ARAP1: variants seen among roughly 807,000 people sequenced by gnomAD.
ARAP1 encodes arf-GAP with Rho-GAP domain, ANK repeat and PH domain-containing protein 1.
In ARAP1, 76 loss-of-function variants were observed where a neutral mutation model predicts 172.2. The observed-to-expected ratio is 0.44, with a 90% CI of 0.37 to 0.53. The LOEUF (loss-of-function observed/expected upper bound fraction) is 0.53. Ranked by LOEUF, ARAP1 falls within the 20% of genes least tolerant of loss-of-function variation. The pLI, the probability that ARAP1 is intolerant of heterozygous loss-of-function variation, is 0.00. For missense variants in ARAP1, 1,686 were observed against 1,977.5 expected, an observed-to-expected ratio of 0.85 and a Z score of 2.80; for synonymous variants, 804 against 803.3, an observed-to-expected ratio of 1.00 and a Z score of -0.01.
chr11:72,726,704 G>A lies in ARAP1; in HGVS notation c.425C>T (p.Pro142Leu), dbSNP rs1453009224. The part of the protein sequence containing the change: ...PSTAAPDPVL[P>L]PLPAKRHLAE... ...CAAATGCCGCTTAGCAGGCAGCGGG[G>A]GCAGCACAGGGTCTGGGGCAGCTGT... Residue 142 changes from proline to leucine, a missense_variant, in exon 3 of 35, where the codon CCC (proline) becomes CTC (leucine). Physicochemically the swap from Pro to Leu is moderately conservative, Grantham distance 98. Coordinates refer to ENST00000393609, the MANE Select transcript of ARAP1 (RefSeq NM_001040118.3). This position sits in a 1 kb window ranked among gnomAD's most constrained non-coding sequence, Gnocchi z 6.5. 1.9e-6 allele frequency: 3 copies of A among 1,548,118 alleles called. No individual in the cohort carries two copies. The highest frequency in any genetic ancestry group is 2.0e-5 in the Admixed American group (1 of 51,120).
At chr11:72,694,810 C>T (rs1331215160) in intron 27 of ARAP1, among the ~76,000 whole-genome samples, 170 bp downstream of exon 27, 1 of 152,182 alleles carries the variant, frequency 6.6e-6, no homozygotes, top group Non-Finnish European at 1.5e-5. Flanking sequence ...TAACCTCAAT[C>T]CCTGCCAGCA....
intron 2 of ARAP1, among the ~76,000 whole-genome samples, chr11:72,730,368 G>T (rs925154326): frequency 1.3e-5 from 2 of 152,220 alleles, no homozygotes; most frequent in Non-Finnish European, 2.9e-5. Flanking sequence ...AGGCATTGGT[G>T]ATGTGGTAGG....
chr11:72,718,357 G>A (rs1327854236), intron 3 of ARAP1, among the ~76,000 whole-genome samples: 3 of 151,766 alleles, frequency 2.0e-5, no homozygotes, highest in Non-Finnish European at 4.4e-5. Flanking sequence ...AGTAGGCCCC[G>A]CTCCAATCCC....
rs372786284 is a variant in ARAP1, at chr11:72,703,619, G to T, written c.1992+533C>A. Among the ~76,000 whole-genome samples the T allele has an allele frequency of 4.5e-3, 691 of 152,304 alleles. 4 individuals are homozygous for T. Among genetic ancestry groups the T allele is most frequent in the South Asian group, 0.014 (67 of 4,828 alleles). On this transcript the variant is annotated intron_variant, in intron 14 of 34. Coordinates refer to ENST00000393609, the MANE Select transcript of ARAP1 (RefSeq NM_001040118.3). ...TGAGTCTGCCTGGGAGGGGCGGTTTGGGGGAGGGGCTGAAGGCCAACCAGA... is the reference window on the plus strand; with the variant it reads ...TGAGTCTGCCTGGGAGGGGCGGTTTTGGGGAGGGGCTGAAGGCCAACCAGA...
Position 72,726,529 on chromosome 11 carries a change from T to A in ARAP1, c.509+91A>T. On this transcript the variant is annotated intron_variant, in intron 3 of 34. Transcript: ENST00000393609. This position sits in a 1 kb window ranked among gnomAD's most constrained non-coding sequence, Gnocchi z 6.5. The stretch of plus-strand genomic sequence containing the variant: ...TCCCCCTGCACTTCCGAAGTGCCTT[T>A]CTTACCCCAGCACCAAAGGCCACAA... The A allele has an allele frequency of 3.5e-6, 5 of 1,422,864 alleles. No individual in the cohort carries two copies. The highest frequency in any genetic ancestry group is 4.6e-6 in the Non-Finnish European group (5 of 1,086,676). 88.1% of individuals were successfully genotyped at this position (1,422,864 alleles called of 1,614,324 possible).
chr11:72,691,036 A>G (rs543132444), intron 30 of ARAP1, among the ~76,000 whole-genome samples: 2 of 152,350 alleles, frequency 1.3e-5, no homozygotes, highest in African/African-American at 4.8e-5. Context: ...TGTGAAGAGC[A>G]CCACCTACCC....
At chr11:72,729,656 G>A (rs1483716320) in intron 2 of ARAP1, among the ~76,000 whole-genome samples, 2 of 151,854 alleles carry the variant, frequency 1.3e-5, no homozygotes, top group Non-Finnish European at 2.9e-5. Flanking sequence ...GGTGGCTCAC[G>A]CCTGTAATCC....
At chr11:72,742,079 C>T (rs1473850677) in intron 1 of ARAP1, among the ~76,000 whole-genome samples, 1 of 152,156 alleles carries the variant, frequency 6.6e-6, no homozygotes, top group Non-Finnish European at 1.5e-5. Context: ...GGGGCCGGGA[C>T]TAGGGTCAGA....
intron 19 of ARAP1, 101 bp from the exon 20 acceptor site, chr11:72,697,750 C>T: frequency 6.4e-7 from 1 of 1,555,182 alleles, no homozygotes; most frequent in Non-Finnish European, 8.8e-7. Flanking sequence ...ACCCGCCCAC[C>T]AATGTATGGG....
rs779894274 is a variant in ARAP1 at position 72,710,480 on chromosome 11, G to C, written c.1321C>G (p.Pro441Ala). ...YLLGVPGSEQ[P>A]DRAGSLELRG... ...AGCTCCAGGCTGCCAGCGCGGTCAGGCTGCTCTGAGCCTGGAACTCCCAGC... is the reference window on the plus strand; with the variant it reads ...AGCTCCAGGCTGCCAGCGCGGTCAGCCTGCTCTGAGCCTGGAACTCCCAGC... The change falls in exon 10 of 35, where the codon CCT becomes GCT. Residue 441 changes from proline to alanine, a missense_variant. Transcript: ENST00000393609. This position sits in a 1 kb window ranked among gnomAD's most constrained non-coding sequence, Gnocchi z 4.3. 3.7e-6 allele frequency: 6 copies of C among 1,614,106 alleles called. No individual in the cohort carries two copies. Among genetic ancestry groups the C allele is most frequent in the South Asian group, 2.2e-5 (2 of 91,086 alleles).
intron 3 of ARAP1, among the ~76,000 whole-genome samples, chr11:72,721,434 G>A (rs550054126): frequency 2.6e-5 from 4 of 152,146 alleles, no homozygotes; most frequent in Non-Finnish European, 4.4e-5. Flanking sequence ...CCTCCCCAAC[G>A]AATCCCCAGA....
At position 72,693,740 on chromosome 11, in the gene ARAP1, G is replaced by T; in HGVS notation, c.3760C>A (p.Leu1254Met). 1 of 1,611,140 alleles carries T rather than the reference G, an allele frequency of 6.2e-7. No individual in the cohort carries two copies. Among genetic ancestry groups the T allele is most frequent in the South Asian group, 1.1e-5 (1 of 90,536 alleles). ...ATGGCCTGGTGCTTCTTCACCACCA[G>T]GTGGCTGTCCGTGCCCAGCCCGTGC... ...ILHGLGTDSH[L>M]VVKKHQAMEA... The change falls in exon 28 of 35, where the codon CTG becomes ATG. Residue 1254 changes from leucine (L) to methionine (M), a missense_variant. Physicochemically the swap from Leu to Met is conservative, Grantham distance 15. Transcript: ENST00000393609. The surrounding 1 kb of genome is among the most constrained non-coding windows in gnomAD (Gnocchi z 4.6).
intron 18 of ARAP1, 150 bp downstream of exon 18, chr11:72,698,855 C>T: frequency 1.2e-6 from 1 of 809,326 alleles, no homozygotes; most frequent in South Asian, 1.5e-5. Flanking sequence ...TTACAGTAGG[C>T]TCTTGGTGGG....
intron 3 of ARAP1, among the ~76,000 whole-genome samples, chr11:72,718,438 C>T (rs565880702): frequency 2.6e-5 from 4 of 152,022 alleles, no homozygotes; most frequent in Non-Finnish European, 4.4e-5. Flanking sequence ...TCCTCAATGG[C>T]GCCACCTCCA....
intron 27 of ARAP1, among the ~76,000 whole-genome samples, chr11:72,694,113 G>A (rs561404712): frequency 2.1e-5 from 3 of 145,276 alleles, no homozygotes; most frequent in East Asian, 4.1e-4. Flanking sequence ...CCGCCAGGCT[G>A]CTCAACTCAG....
intron 1 of ARAP1, among the ~76,000 whole-genome samples, chr11:72,737,574 T>C (rs1216443247): frequency 1.3e-5 from 2 of 151,818 alleles, no homozygotes; most frequent in Admixed American, 6.6e-5. Flanking sequence ...ATGCACACCA[T>C]TTGGCAACCA....
At position 72,697,380 on chromosome 11, in the gene ARAP1, C is replaced by A; in HGVS notation, c.2896G>T (p.Gly966Trp). 6.2e-7 allele frequency: 1 copy of A among 1,609,108 alleles called. No homozygotes were observed. Among genetic ancestry groups the A allele is most frequent in the African/African-American group, 1.3e-5 (1 of 74,972 alleles). Residue 966 changes from glycine to tryptophan, a missense_variant, in exon 21 of 35, where the codon GGG becomes TGG. Transcript: ENST00000393609. ...ACGATCACCGGGATATCCGAGTCCC[C>A]AAGCTGCTGCTCCGACAGCGTGTCC... is the stretch of plus-strand genomic sequence containing the variant. Reference protein sequence around the residue: ...MGDTLSEQQLGDSDIPVIVYR... With the variant: ...MGDTLSEQQLWDSDIPVIVYR...
At chr11:72,691,773 C>A (rs556186424) in intron 30 of ARAP1, among the ~76,000 whole-genome samples, 1 of 152,152 alleles carries the variant, frequency 6.6e-6, no homozygotes, top group Non-Finnish European at 1.5e-5. Context: ...GTCTCTGTTG[C>A]CCATCCTGCA....
Position 72,710,940 on chromosome 11 carries a change from C to G in ARAP1, c.1213+81G>C. 6 of 1,583,458 alleles carry G rather than the reference C, an allele frequency of 3.8e-6. No homozygotes were observed. Among genetic ancestry groups the G allele is most frequent in the Non-Finnish European group, 5.2e-6 (6 of 1,158,002 alleles). ...ATGTGAGAGGGCAGATGCACCATGA[C>G]TCTCTTCCCCCTCCTCTGCCCAAAC... On this transcript the variant is annotated intron_variant, in intron 9 of 34. Coordinates refer to ENST00000393609, the MANE Select transcript of ARAP1 (RefSeq NM_001040118.3). The surrounding 1 kb of genome is among the most constrained non-coding windows in gnomAD (Gnocchi z 4.3).
Sources: allele counts gnomAD v4.1 joint callset (sites outside exome capture counted in the v4.1 genomes callset), GRCh38; gene constraint gnomAD v4.1.1; non-coding constraint Gnocchi (gnomAD v3.1); transcripts MANE v1.5; gene names NCBI Gene and HGNC (gene_info 2026-07-23, HGNC 2026-07-21).